VPS54: variants seen among roughly 807,000 people sequenced by gnomAD.
VPS54 encodes the protein VPS54 subunit of GARP complex.
A neutral mutation model predicts 121.5 loss-of-function variants in VPS54; 45 were observed. The ratio of observed to expected loss-of-function variants is 0.37; its 90% CI spans 0.29 to 0.47. The LOEUF is 0.47. VPS54 is among the 20% of genes least tolerant of loss of function. VPS54 has a pLI of 0.99. For missense variants in VPS54, 1,090 were observed against 1,131.4 expected, an observed-to-expected ratio of 0.96 and a Z score of 0.52; for synonymous variants, 371 against 385.8, an observed-to-expected ratio of 0.96 and a Z score of 0.45.
chr2:63,920,794 G>C (rs1673608081), intron 13 of VPS54, among the ~76,000 whole-genome samples, 167 bp from the exon 14 acceptor site: 1 of 151,974 alleles, frequency 6.6e-6, no homozygotes, highest in African/African-American at 2.4e-5. Flanking sequence ...GTCCAAATTT[G>C]ATTCTGATCC....
At chr2:63,997,492 T>C (rs1163775493) in intron 1 of VPS54, among the ~76,000 whole-genome samples, 1 of 152,226 alleles carries the variant, frequency 6.6e-6, no homozygotes, top group Admixed American at 6.5e-5. Flanking sequence ...GGCATACAGT[T>C]GCTCACAGTA....
chr2:63,989,703 C>T (rs778467045), intron 1 of VPS54, among the ~76,000 whole-genome samples: 3 of 152,152 alleles, frequency 2.0e-5, no homozygotes, highest in Non-Finnish European at 4.4e-5. Context: ...TCCAGGTTAA[C>T]TACGGGTCAC....
chr2:63,993,718 T>C (rs1298739414), intron 1 of VPS54, among the ~76,000 whole-genome samples: 1 of 152,232 alleles, frequency 6.6e-6, no homozygotes, highest in Non-Finnish European at 1.5e-5. Flanking sequence ...TTGACATTCA[T>C]TATCCAAAAA....
rs990811299 is a variant in VPS54 at position 63,934,968 on chromosome 2, G to GT, written c.1399-956dup. ...CTCCCTTTCTCAAAACGCTTGGTTAGTTTTTTTGGAATCTACATGGTTCTA... is the reference window on the plus strand; with the variant it reads ...CTCCCTTTCTCAAAACGCTTGGTTAGTTTTTTTTGGAATCTACATGGTTCTA... On this transcript the variant is annotated intron_variant, in intron 11 of 22. Transcript: ENST00000272322. Among the ~76,000 whole-genome samples, 51 of 152,250 alleles carry GT rather than the reference G, an allele frequency of 3.3e-4. No individual in the cohort carries two copies. In the Middle Eastern group the frequency reaches 0.01, roughly 30 times the overall value.
chr2:63,929,624 A>T (rs941281777), intron 12 of VPS54, among the ~76,000 whole-genome samples: 3 of 152,142 alleles, frequency 2.0e-5, no homozygotes, highest in African/African-American at 7.2e-5. Flanking sequence ...GCAAGAGCAA[A>T]CACATTCAAA....
chr2:63,985,812 A>C lies in VPS54; in HGVS notation c.-20-1793T>G, dbSNP rs1677024888. 2.0e-5 allele frequency among the ~76,000 whole-genome samples: 3 copies of C among 152,308 alleles called. No individual in the cohort carries two copies. In the South Asian group the frequency reaches 6.2e-4, roughly 32 times the overall value. ...TGTGATGAAAATGCTATTTTGGGAA[A>C]ATTAAGAGTCTTTGAAAGGCCTCTG... On this transcript the variant is annotated intron_variant, in intron 1 of 22. Coordinates refer to ENST00000272322, the MANE Select transcript of VPS54 (RefSeq NM_016516.3).
chr2:63,925,487 T>G (rs892190850), intron 12 of VPS54, among the ~76,000 whole-genome samples: 6 of 152,242 alleles, frequency 3.9e-5, no homozygotes, highest in Admixed American at 2.6e-4. Context: ...AAATTGACCA[T>G]TCACATACTT....
chr2:63,921,863 T>C (rs550263929), intron 12 of VPS54, among the ~76,000 whole-genome samples: 4 of 152,338 alleles, frequency 2.6e-5, no homozygotes, highest in African/African-American at 9.6e-5. Flanking sequence ...CAGACTCCAA[T>C]TGGAAAGTCT....
At chr2:63,920,407 T>C (rs1673587283) in intron 14 of VPS54, 39 bp downstream of exon 14, 2 of 1,418,602 alleles carry the variant, frequency 1.4e-6, no homozygotes, top group Non-Finnish European at 1.8e-6. Context: ...CAAAGAAAAA[T>C]GAAAAAATCA....
intron 7 of VPS54, among the ~76,000 whole-genome samples, chr2:63,955,984 T>C (rs1490979331): frequency 6.6e-6 from 1 of 152,086 alleles, no homozygotes; most frequent in Non-Finnish European, 1.5e-5. Context: ...GAAAAATATA[T>C]CCAGCTAAGT....
intron 1 of VPS54, among the ~76,000 whole-genome samples, chr2:63,996,737 T>A (rs1677614945): frequency 6.6e-6 from 1 of 152,202 alleles, no homozygotes; most frequent in South Asian, 2.1e-4. Flanking sequence ...CCTTATGCAG[T>A]TGTAGATAGG....
At chr2:63,999,001 C>T (rs930318611) in intron 1 of VPS54, among the ~76,000 whole-genome samples, 12 of 152,212 alleles carry the variant, frequency 7.9e-5, no homozygotes, top group South Asian at 2.1e-4. Context: ...GGCTGGAGTG[C>T]GGTGGCACCA....
chr2:63,951,197 C>T (rs1290345549), intron 7 of VPS54, among the ~76,000 whole-genome samples: 1 of 137,974 alleles, frequency 7.2e-6, no homozygotes, highest in African/African-American at 2.8e-5. Flanking sequence ...GAGGACTTCA[C>T]AAATTTCCCT....
At chr2:63,900,922 C>T (rs535596875) in intron 20 of VPS54, among the ~76,000 whole-genome samples, 3 of 152,238 alleles carry the variant, frequency 2.0e-5, no homozygotes, top group Admixed American at 6.5e-5. Context: ...GCCACCCCGC[C>T]CAGGTAATTT....
intron 1 of VPS54, among the ~76,000 whole-genome samples, chr2:63,989,662 C>T (rs973269007): frequency 5.3e-5 from 8 of 152,156 alleles, no homozygotes; most frequent in Non-Finnish European, 1.2e-4. Flanking sequence ...TGTTCGACTC[C>T]CTGACAACTG....
chr2:63,981,634 A>G lies in VPS54; in HGVS notation c.378+12T>C. 2 of 1,559,978 alleles carry G rather than the reference A, an allele frequency of 1.3e-6. No homozygotes were observed. The highest frequency in any genetic ancestry group is 2.5e-5 in the South Asian group (2 of 80,750). ...TTTGACCTGACTGTAACTAGCCAAG[A>G]TTAGATATTACCTGAGAGATTTCCT... On this transcript the variant is annotated intron_variant, in intron 3 of 22. Coordinates refer to ENST00000272322, the MANE Select transcript of VPS54 (RefSeq NM_016516.3).
Position 63,919,999 on chromosome 2 carries a change from G to C in VPS54, c.2052-4C>G, listed in dbSNP as rs374466736. 25 of 1,605,940 alleles carry C rather than the reference G, an allele frequency of 1.6e-5. No individual in the cohort carries two copies. The highest frequency in any genetic ancestry group is 2.0e-5 in the Non-Finnish European group (23 of 1,175,688). On this transcript the variant is annotated splice_polypyrimidine_tract_variant and splice_region_variant and intron_variant, in intron 14 of 22. Coordinates refer to ENST00000272322, the MANE Select transcript of VPS54 (RefSeq NM_016516.3). ...GCGCTCATTGTCTAAGAGGAGGCTA[G>C]TCCACAGTAAGGAGAAAAGAAGGTA...
chr2:64,008,399 G>C (rs1425817189), intron 1 of VPS54, among the ~76,000 whole-genome samples: 1 of 132,688 alleles, frequency 7.5e-6, no homozygotes, highest in African/African-American at 3.1e-5. Flanking sequence ...GGGTGACAGA[G>C]CGCGACTCCG....
chr2:63,983,845 C>CAAA lies in VPS54; in HGVS notation c.136+16_136+18dup. 3 of 1,214,478 alleles carry CAAA rather than the reference C, an allele frequency of 2.5e-6. No homozygotes were observed. The highest frequency in any genetic ancestry group is 2.3e-5 in the Admixed American group (1 of 43,458). 75.2% of individuals were successfully genotyped at this position (1,214,478 alleles called of 1,614,324 possible). A position where few individuals can be genotyped will look rare whatever the true frequency, so the allele number is the denominator to read the frequency against. On this transcript the variant is annotated intron_variant, in intron 2 of 22. Transcript: ENST00000272322. Reference sequence around the variant, plus strand: ...ATAGAAATCATCAGTAAAAATCCTACAAAAAAAAAAAGCATTACCTGTGGG... The same window carrying CAAA: ...ATAGAAATCATCAGTAAAAATCCTACAAAAAAAAAAAAAAGCATTACCTGTGGG...
Sources: allele counts gnomAD v4.1 joint callset (sites outside exome capture counted in the v4.1 genomes callset), GRCh38; gene constraint gnomAD v4.1.1; transcripts MANE v1.5; gene names NCBI Gene and HGNC (gene_info 2026-07-23, HGNC 2026-07-21).